The following ZNF697 variants were observed in gnomAD, a reference collection of about 807,000 sequenced individuals.
ZNF697 encodes zinc finger protein 697.
ZNF697 carries 23 observed loss-of-function variants against 32.4 expected under a neutral mutation model. That is an observed-to-expected ratio of 0.71 (90% CI 0.51 to 1.01). ZNF697 has a LOEUF of 1.01. Among genes scored for constraint, ZNF697 ranks in the 50% least tolerant of loss-of-function variants. The pLI is 0.00. For missense variants in ZNF697, 930 were observed against 794.0 expected, an observed-to-expected ratio of 1.17 and a Z score of -2.06; for synonymous variants, 418 against 337.2, an observed-to-expected ratio of 1.24 and a Z score of -2.62.
chr1:119,634,078 A>G (rs1427281742), intron 1 of ZNF697, among the ~76,000 whole-genome samples: 1 of 152,244 alleles, frequency 6.6e-6, no homozygotes, highest in African/African-American at 2.4e-5. Flanking sequence ...TGTTCTGGGA[A>G]AGTTGATGCT....
At chr1:119,643,926 A>G (rs193253371) in intron 1 of ZNF697, among the ~76,000 whole-genome samples, 1 of 152,350 alleles carries the variant, frequency 6.6e-6, no homozygotes, top group Non-Finnish European at 1.5e-5. Flanking sequence ...CTCTCTTTCT[A>G]TCCCTCTTCT....
At position 119,621,761 on chromosome 1, in the gene ZNF697, GTC is replaced by G. The variant is rs1648321185; in HGVS notation, c.*942_*943del. 1 of 152,206 alleles carries G rather than the reference GTC, an allele frequency of 6.6e-6. No homozygotes were observed. Among genetic ancestry groups the G allele is most frequent in the South Asian group, 2.1e-4 (1 of 4,828 alleles). 9.4% of individuals were successfully genotyped at this position (152,206 alleles called of 1,614,324 possible). Reference sequence around the variant, plus strand: ...TCTGAGCTAGTTGACTTTTTAGCAGGTCACTGGGCAACTGTTGGTCTAAAGTT... The same window carrying G: ...TCTGAGCTAGTTGACTTTTTAGCAGGACTGGGCAACTGTTGGTCTAAAGTT... On this transcript the variant is annotated 3_prime_UTR_variant, in exon 3 of 3. Transcript: ENST00000421812.
intron 1 of ZNF697, among the ~76,000 whole-genome samples, chr1:119,631,626 C>A (rs911921685): frequency 6.6e-6 from 1 of 152,050 alleles, no homozygotes; most frequent in Non-Finnish European, 1.5e-5. Flanking sequence ...GCCCCGCCAG[C>A]CCCCAGGGCA....
rs771296092 is a variant in ZNF697, at chr1:119,623,063, T to C, written c.1280A>G (p.His427Arg). The C allele has an allele frequency of 6.3e-7, 1 of 1,586,794 alleles. No individual in the cohort carries two copies. The highest frequency in any genetic ancestry group is 8.6e-7 in the Non-Finnish European group (1 of 1,166,840). The change falls in exon 3 of 3, where the codon CAC (histidine) becomes CGC (arginine). Residue 427 changes from histidine (H) to arginine (R), a missense_variant. Coordinates refer to ENST00000421812, the MANE Select transcript of ZNF697 (RefSeq NM_001080470.2). ...TFSVSSHLFT[H>R]KRTHSGERPY... ...CCGCTCACCCGAGTGCGTGCGCTTG[T>C]GCGTGAAGAGGTGCGAGCTGACGCT...
At chr1:119,636,458 A>G (rs1648924313) in intron 1 of ZNF697, among the ~76,000 whole-genome samples, 1 of 152,232 alleles carries the variant, frequency 6.6e-6, no homozygotes, top group Non-Finnish European at 1.5e-5. Context: ...GGGGGATAAG[A>G]GCAGTTTCAC....
In ZNF697 at chr1:119,624,112, C is replaced by T; in HGVS notation, c.231G>A (p.Gly77=). 6.4e-7 allele frequency: 1 copy of T among 1,563,788 alleles called. No individual in the cohort carries two copies. The highest frequency in any genetic ancestry group is 8.7e-7 in the Non-Finnish European group (1 of 1,152,210). ...REAVPDICTE[G]QLSEEEGVSV... ...AAACGCCTTCTTCCTCACTCAGCTGCCCCTCTGCAACAGAAAAAGGTGGCA... is the reference window on the plus strand; with the variant it reads ...AAACGCCTTCTTCCTCACTCAGCTGTCCCTCTGCAACAGAAAAAGGTGGCA... The change falls in exon 3 of 3, where the codon GGG becomes GGA. Residue 77 remains glycine, a synonymous_variant. Transcript: ENST00000421812.
intron 1 of ZNF697, among the ~76,000 whole-genome samples, chr1:119,627,970 A>G (rs185195358): frequency 3.3e-5 from 5 of 149,822 alleles, no homozygotes; most frequent in Non-Finnish European, 7.4e-5. Context: ...GAGTCTGCAT[A>G]TATAATACAC....
In ZNF697 at chr1:119,623,209, CT is replaced by C; in HGVS notation, c.1133del (p.Glu378GlyfsTer20). On this transcript the variant is annotated frameshift_variant, in exon 3 of 3. Transcript: ENST00000421812. LOFTEE classifies it high-confidence loss of function. Reference sequence around the variant, plus strand: ...CGCACTCGCCACAGCCGTGCGGCTTCTCGCCCGTGTGGATGCGCTGGTGGTT... The same window carrying C: ...CGCACTCGCCACAGCCGTGCGGCTTCCGCCCGTGTGGATGCGCTGGTGGTT... ...LANHQRIHTG[E>X]KPHGCGECGK... The C allele has an allele frequency of 6.4e-7, 1 of 1,572,126 alleles. No individual in the cohort carries two copies. The highest frequency in any genetic ancestry group is 8.6e-7 in the Non-Finnish European group (1 of 1,159,558).
chr1:119,628,766 G>A (rs987625597), intron 1 of ZNF697, among the ~76,000 whole-genome samples: 1 of 152,198 alleles, frequency 6.6e-6, no homozygotes, highest in Non-Finnish European at 1.5e-5. Flanking sequence ...GCAATTGTCA[G>A]GTGATGGAGA....
intron 1 of ZNF697, among the ~76,000 whole-genome samples, chr1:119,631,120 A>G (rs990763886): frequency 6.6e-6 from 1 of 152,224 alleles, no homozygotes; most frequent in African/African-American, 2.4e-5. Flanking sequence ...TGGATTTTAC[A>G]TAGAAACCAA....
In ZNF697 at chr1:119,621,122, G is replaced by A. The variant is rs909323515; in HGVS notation, c.*1583C>T. The A allele has an allele frequency of 5.3e-5, 8 of 152,262 alleles. No homozygotes were observed. Among genetic ancestry groups the A allele is most frequent in the Admixed American group, 2.0e-4 (3 of 15,304 alleles). The allele number at this position is 152,262 out of a possible 1,614,324, so 9.4% of individuals were successfully genotyped here. On this transcript the variant is annotated 3_prime_UTR_variant, in exon 3 of 3. Transcript: ENST00000421812. ...TACCCTAATTAGGCGACAAAGACCA[G>A]CTTTGTCAATAAGGACATGTTTGGC...
In ZNF697 at chr1:119,623,569, T is replaced by C; in HGVS notation, c.774A>G (p.Glu258=). Reference sequence around the variant, plus strand: ...CGCACTCCCCGCAGCGGAAGGGCTTTTCGCGCGGGGGCCGGGCCAGCGGGG... The same window carrying C: ...CGCACTCCCCGCAGCGGAAGGGCTTCTCGCGCGGGGGCCGGGCCAGCGGGG... ...AGPPLARPPR[E]KPFRCGECGK... The change falls in exon 3 of 3, where the codon GAA becomes GAG. Residue 258 remains glutamate (E), a synonymous_variant. Transcript: ENST00000421812. 4.0e-6 allele frequency: 6 copies of C among 1,492,958 alleles called. No individual in the cohort carries two copies. Among genetic ancestry groups the C allele is most frequent in the Non-Finnish European group, 5.3e-6 (6 of 1,126,240 alleles). 92.5% of individuals were successfully genotyped at this position (1,492,958 alleles called of 1,614,324 possible).
intron 1 of ZNF697, among the ~76,000 whole-genome samples, chr1:119,643,592 G>A (rs1649134910): frequency 6.6e-6 from 1 of 152,086 alleles, no homozygotes. Context: ...AAATCTTGCT[G>A]CTCTGATGAA....
Position 119,623,612 on chromosome 1 carries a change from C to G in ZNF697, c.731G>C (p.Gly244Ala). 7.0e-7 allele frequency: 1 copy of G among 1,437,680 alleles called. No homozygotes were observed. Among genetic ancestry groups the G allele is most frequent in the Non-Finnish European group, 9.0e-7 (1 of 1,108,412 alleles). 89.1% of individuals were successfully genotyped at this position (1,437,680 alleles called of 1,614,324 possible). ...MVGMMGVGVA[G>A]GFGAGPPLAR... ...CAGCGGGGGCCCGGCCCCGAAGCCC[C>G]CCGCCACACCCACCCCCATCATGCC... Residue 244 changes from glycine to alanine, a missense_variant, in exon 3 of 3, where the codon GGG becomes GCG. Coordinates refer to ENST00000421812, the MANE Select transcript of ZNF697 (RefSeq NM_001080470.2).
Position 119,622,634 on chromosome 1 carries a change from C to A in ZNF697, c.*71G>T. The stretch of plus-strand genomic sequence containing the variant: ...CCTCCCGCCCCTTCCCCACTTCCTT[C>A]CCCTGGGTCAGTCCCAGGATATCTA... On this transcript the variant is annotated 3_prime_UTR_variant, in exon 3 of 3. Transcript: ENST00000421812. 1 of 1,436,964 alleles carries A rather than the reference C, an allele frequency of 7.0e-7. No individual in the cohort carries two copies. The highest frequency in any genetic ancestry group is 9.1e-7 in the Non-Finnish European group (1 of 1,098,230). The allele number at this position is 1,436,964 out of a possible 1,614,324, so 89.0% of individuals were successfully genotyped here. A position where few individuals can be genotyped will look rare whatever the true frequency, so the allele number is the denominator to read the frequency against.
At chr1:119,631,851 G>A (rs1168760228) in intron 1 of ZNF697, among the ~76,000 whole-genome samples, 1 of 152,236 alleles carries the variant, frequency 6.6e-6, no homozygotes, top group Non-Finnish European at 1.5e-5. Context: ...CCGGCCAGCA[G>A]CAGCTGGAGG....
chr1:119,629,998 T>C (rs1218268897), intron 1 of ZNF697, among the ~76,000 whole-genome samples: 1 of 152,230 alleles, frequency 6.6e-6, no homozygotes. Context: ...TGTGGGTGCC[T>C]GGTTCAGTAA....
chr1:119,630,688 C>T (rs1237299840), intron 1 of ZNF697, among the ~76,000 whole-genome samples: 1 of 152,142 alleles, frequency 6.6e-6, no homozygotes, highest in African/African-American at 2.4e-5. Context: ...AGCAAGATCC[C>T]TTCTCTACAA....
At chr1:119,624,274 G>C (rs975165529) in intron 2 of ZNF697, among the ~76,000 whole-genome samples, 158 bp from the exon 3 acceptor site, 1 of 152,148 alleles carries the variant, frequency 6.6e-6, no homozygotes, top group Non-Finnish European at 1.5e-5. Context: ...CTCTCAACTG[G>C]ATCCTCCAGG....
Sources: allele counts gnomAD v4.1 joint callset (sites outside exome capture counted in the v4.1 genomes callset), GRCh38; gene constraint gnomAD v4.1.1; transcripts MANE v1.5; gene names NCBI Gene and HGNC (gene_info 2026-07-23, HGNC 2026-07-21).